The following ATP13A5 variants were observed in gnomAD, a reference collection of about 807,000 sequenced individuals.
The protein encoded by ATP13A5 is probable cation-transporting ATPase 13A5.
A neutral mutation model predicts 150.2 loss-of-function variants in ATP13A5; 149 were observed. That is an observed-to-expected ratio of 0.99 (90% CI 0.87 to 1.14). The LOEUF (loss-of-function observed/expected upper bound fraction) is 1.14, where lower values mean the gene tolerates loss of function less well. ATP13A5 is among the 50% of genes most tolerant of loss of function. The pLI, the probability that ATP13A5 is intolerant of heterozygous loss-of-function variation, is 0.00. For missense variants in ATP13A5, 1,383 were observed against 1,449.3 expected, an observed-to-expected ratio of 0.95 and a Z score of 0.74; for synonymous variants, 497 against 522.2, an observed-to-expected ratio of 0.95 and a Z score of 0.66.
intron 1 of ATP13A5, among the ~76,000 whole-genome samples, chr3:193,367,596 C>T (rs901142299): frequency 6.6e-6 from 1 of 152,034 alleles, no homozygotes; most frequent in Admixed American, 6.6e-5. Context: ...GATTATCTAA[C>T]TAAATCAATG....
intron 25 of ATP13A5, among the ~76,000 whole-genome samples, chr3:193,292,623 A>G (rs1718011720): frequency 6.6e-6 from 1 of 152,196 alleles, no homozygotes; most frequent in African/African-American, 2.4e-5. Flanking sequence ...TGGCCTCAGA[A>G]TGAAAAATGT....
At chr3:193,276,545 T>C (rs977836916) in intron 29 of ATP13A5, among the ~76,000 whole-genome samples, 1 of 152,204 alleles carries the variant, frequency 6.6e-6, no homozygotes, top group Non-Finnish European at 1.5e-5. Context: ...GCATAAGATA[T>C]CAAGAACATT....
chr3:193,283,583 TTAAC>T (rs1717594510), intron 27 of ATP13A5, among the ~76,000 whole-genome samples: 1 of 152,144 alleles, frequency 6.6e-6, no homozygotes, highest in African/African-American at 2.4e-5. Flanking sequence ...ATTTTGTTTT[TTAAC>T]TAGTACTTCC....
intron 1 of ATP13A5, 147 bp from the exon 2 acceptor site, chr3:193,364,427 C>CA: frequency 1.1e-6 from 1 of 883,640 alleles, no homozygotes; most frequent in Non-Finnish European, 1.7e-6. Flanking sequence ...TGACTGCTTG[C>CA]AGCTGTCCAC....
intron 27 of ATP13A5, among the ~76,000 whole-genome samples, chr3:193,282,151 T>C (rs1717524851): frequency 6.6e-6 from 1 of 151,886 alleles, no homozygotes; most frequent in Admixed American, 6.6e-5. Context: ...GCCAAGATGG[T>C]GCCACTGCAC....
chr3:193,344,011 GAAT>G lies in ATP13A5; in HGVS notation c.856_858del (p.Ile286del). On this transcript the variant is annotated inframe_deletion, in exon 9 of 30. Transcript: ENST00000342358. ...AATGAAAATTTTCCTGGAAGAATAA[GAAT>G]GTCTCCGGGAACCAAGAGACGGGAT... 6.2e-7 allele frequency: 1 copy of G among 1,613,386 alleles called. No individual in the cohort carries two copies. The highest frequency in any genetic ancestry group is 1.7e-4 in the Middle Eastern group (1 of 6,050).
At position 193,333,734 on chromosome 3, in the gene ATP13A5, T is replaced by A. The variant is rs758408679; in HGVS notation, c.1272+16A>T. 1.9e-6 allele frequency: 3 copies of A among 1,609,960 alleles called. 1 individual carries two copies. The South Asian group carries it at 3.3e-5, about 18-fold the overall frequency. ...CAGAATCTATACTATTGAAAAGCCTTACCCCCAGTACTTACTCCATGGTAC... is the reference window on the plus strand; with the variant it reads ...CAGAATCTATACTATTGAAAAGCCTAACCCCCAGTACTTACTCCATGGTAC... On this transcript the variant is annotated intron_variant, in intron 11 of 29. Coordinates refer to ENST00000342358, the MANE Select transcript of ATP13A5 (RefSeq NM_198505.4).
chr3:193,314,027 G>A lies in ATP13A5; in HGVS notation c.2319+6C>T. 1.9e-6 allele frequency: 3 copies of A among 1,612,404 alleles called. No individual in the cohort carries two copies. Among genetic ancestry groups the A allele is most frequent in the Non-Finnish European group, 2.5e-6 (3 of 1,179,712 alleles). On this transcript the variant is annotated splice_donor_region_variant and intron_variant, in intron 19 of 29. Coordinates refer to ENST00000342358, the MANE Select transcript of ATP13A5 (RefSeq NM_198505.4). ...CCCACGGAGGGGCCTTCTAACATTT[G>A]CTCACTTTCTTCCCAGGTCCAGTCT... is the stretch of plus-strand genomic sequence containing the variant.
intron 9 of ATP13A5, among the ~76,000 whole-genome samples, chr3:193,337,550 G>T (rs937231725): frequency 6.6e-6 from 1 of 152,120 alleles, no homozygotes; most frequent in Non-Finnish European, 1.5e-5. Context: ...TAGATGTGTG[G>T]TATTCTTTCT....
intron 13 of ATP13A5, among the ~76,000 whole-genome samples, chr3:193,325,373 C>A (rs1719432487): frequency 6.6e-6 from 1 of 152,190 alleles, no homozygotes; most frequent in Non-Finnish European, 1.5e-5. Context: ...ACAGAGTTAT[C>A]TTTATATAAA....
At chr3:193,283,276 G>T (rs1170102236) in intron 27 of ATP13A5, among the ~76,000 whole-genome samples, 1 of 151,990 alleles carries the variant, frequency 6.6e-6, no homozygotes, top group Non-Finnish European at 1.5e-5. Context: ...ATTAACATTA[G>T]ATTTTAAAAG....
At chr3:193,373,819 G>A (rs1216234050) in intron 1 of ATP13A5, among the ~76,000 whole-genome samples, 2 of 152,190 alleles carry the variant, frequency 1.3e-5, no homozygotes, top group Non-Finnish European at 2.9e-5. Context: ...TCAGAGTCCA[G>A]GGCTCTGCCA....
chr3:193,332,030 T>TA (rs1711647070), intron 11 of ATP13A5, among the ~76,000 whole-genome samples: 1 of 152,226 alleles, frequency 6.6e-6, no homozygotes, highest in Non-Finnish European at 1.5e-5. Context: ...TGGCAGGTGA[T>TA]ACGGTTTGGC....
At chr3:193,323,598 A>T (rs1719362515) in intron 14 of ATP13A5, 1 of 152,178 alleles carries the variant, frequency 6.6e-6, no homozygotes, top group Admixed American at 6.5e-5. Flanking sequence ...ACCCTGCACA[A>T]CTCATCACCG....
At chr3:193,359,063 A>G (rs1319007129) in intron 5 of ATP13A5, among the ~76,000 whole-genome samples, 1 of 145,932 alleles carries the variant, frequency 6.9e-6, no homozygotes, top group African/African-American at 2.6e-5. Context: ...TAGCTTATGC[A>G]TTAAATTTTA....
At chr3:193,362,762 T>C (rs73198906) in intron 3 of ATP13A5, 125 bp from the exon 4 acceptor site, 66,239 of 141,928 alleles carry the variant, frequency 0.47, 13,081 homozygotes, top group South Asian at 0.56. Context: ...TCTTTCTTTC[T>C]TTCTTTCTTT....
rs75275195 is a variant in ATP13A5 at position 193,309,040 on chromosome 3, C to T, written c.2525+1598G>A. Among the ~76,000 whole-genome samples, 98 of 152,230 alleles carry T rather than the reference C, an allele frequency of 6.4e-4. 1 individual carries two copies. In the East Asian group the frequency reaches 0.017, roughly 26 times the overall value. ...TCTCCTGATTTCACCAACAACTCAC[C>T]AGCCATCATCTAAAGATTCACTACC... On this transcript the variant is annotated intron_variant, in intron 21 of 29. Coordinates refer to ENST00000342358, the MANE Select transcript of ATP13A5 (RefSeq NM_198505.4).
At chr3:193,361,607 G>A (rs1347567356) in intron 5 of ATP13A5, among the ~76,000 whole-genome samples, 2 of 152,166 alleles carry the variant, frequency 1.3e-5, no homozygotes, top group African/African-American at 4.8e-5. Flanking sequence ...GGGAAGACTT[G>A]TAATGATTTC....
intron 22 of ATP13A5, chr3:193,307,006 A>T: frequency 1.4e-6 from 1 of 702,902 alleles, no homozygotes. Flanking sequence ...CTCCTTGAGA[A>T]ATCATTTCAT....
Sources: allele counts gnomAD v4.1 joint callset (sites outside exome capture counted in the v4.1 genomes callset), GRCh38; gene constraint gnomAD v4.1.1; transcripts MANE v1.5; gene names NCBI Gene and HGNC (gene_info 2026-07-23, HGNC 2026-07-21).